Variants in RIC1 observed in about 807,000 individuals in gnomAD.
RIC1 encodes the protein RIC1 partner of RAB6A GEF complex, also known as guanine nucleotide exchange factor subunit RIC1.
A neutral mutation model predicts 169.0 loss-of-function variants in RIC1; 88 were observed. The ratio of observed to expected loss-of-function variants is 0.52; its 90% confidence interval spans 0.44 to 0.62. The LOEUF is 0.62. Among genes scored for constraint, RIC1 ranks in the 20% least tolerant of loss-of-function variants. RIC1 has a pLI of 0.00. For synonymous variants in RIC1, 790 were observed against 601.5 expected, an observed-to-expected ratio of 1.31 and a Z score of -4.59; for missense variants, 1,877 against 1,725.5, an observed-to-expected ratio of 1.09 and a Z score of -1.56.
At chr9:5,773,848 A>T in intron 25 of RIC1, 110 bp from the exon 26 acceptor site, 1 of 1,034,602 alleles carries the variant, frequency 9.7e-7, no homozygotes, top group Non-Finnish European at 1.4e-6. Context: ...CTCCCCTCCT[A>T]ATCTATCGTC....
intron 19 of RIC1, 49 bp from the exon 20 acceptor site, chr9:5,765,365 C>A (rs1004410846): frequency 4.5e-6 from 7 of 1,564,128 alleles, no homozygotes; most frequent in Non-Finnish European, 6.1e-6. Context: ...CTCATATCTT[C>A]CCAAATTGTG....
At position 5,774,579 on chromosome 9, in the gene RIC1, T is replaced by A. The variant is rs1827474665; in HGVS notation, c.*333T>A. The A allele has an allele frequency of 5.2e-6, 1 of 190,722 alleles. No homozygotes were observed. The highest frequency in any genetic ancestry group is 1.1e-5 in the Non-Finnish European group (1 of 92,712). 11.8% of individuals were successfully genotyped at this position (190,722 alleles called of 1,614,324 possible). ...CAGGTGAGCTTACTTTTTCACTACT[T>A]ACATCTTCTCACATTTCCCGGTTCT... is the stretch of plus-strand genomic sequence containing the variant. On this transcript the variant is annotated 3_prime_UTR_variant, in exon 26 of 26. Transcript: ENST00000414202.
intron 2 of RIC1, among the ~76,000 whole-genome samples, chr9:5,677,883 G>T (rs916785637): frequency 4.0e-5 from 6 of 151,272 alleles, no homozygotes; most frequent in Non-Finnish European, 8.8e-5. Context: ...AAGTTTTAGG[G>T]TACATGTGCA....
chr9:5,700,763 C>T lies in RIC1; in HGVS notation c.332+10725C>T, dbSNP rs369915133. On this transcript the variant is annotated intron_variant, in intron 3 of 25. Coordinates refer to ENST00000414202, the MANE Select transcript of RIC1 (RefSeq NM_020829.4). ...CTAAAAACAAAGCTTGTGGGAAAAT[C>T]GTTGGAACAGATCACTTAAAACTTC... 1.1e-4 allele frequency among the ~76,000 whole-genome samples: 16 copies of T among 152,200 alleles called. No homozygotes were observed. In the South Asian group the frequency reaches 2.9e-3, roughly 28 times the overall value.
intron 2 of RIC1, among the ~76,000 whole-genome samples, chr9:5,667,290 C>G (rs1032263554): frequency 6.6e-6 from 1 of 152,112 alleles, no homozygotes; most frequent in Admixed American, 6.5e-5. Flanking sequence ...TCACAGCACT[C>G]CAGCCTGGGC....
At chr9:5,762,152 C>G (rs758517015) in intron 17 of RIC1, among the ~76,000 whole-genome samples, 1 of 152,222 alleles carries the variant, frequency 6.6e-6, no homozygotes, top group African/African-American at 2.4e-5. Flanking sequence ...ATTACCAACC[C>G]TTACTCTCCC....
At chr9:5,777,376 C>G (rs1454335207), downstream of RIC1, among the ~76,000 whole-genome samples, 1 of 149,284 alleles carries the variant, frequency 6.7e-6, no homozygotes, top group Non-Finnish European at 1.5e-5. Flanking sequence ...AAATGGAAGA[C>G]TCTAAAATGT....
At chr9:5,675,652 TAAAG>T (rs1253055176) in intron 2 of RIC1, among the ~76,000 whole-genome samples, 7 of 152,158 alleles carry the variant, frequency 4.6e-5, no homozygotes, top group African/African-American at 1.2e-4. Flanking sequence ...GATATAAAAA[TAAAG>T]CTATCAGACT....
At chr9:5,690,565 C>CTTT (rs5896126) in intron 3 of RIC1, among the ~76,000 whole-genome samples, 2 of 144,240 alleles carry the variant, frequency 1.4e-5, no homozygotes. Flanking sequence ...AGCATTCCAT[C>CTTT]TTTTTTTTTT....
intron 2 of RIC1, among the ~76,000 whole-genome samples, chr9:5,682,918 C>G (rs938485590): frequency 1.3e-5 from 2 of 152,144 alleles, no homozygotes; most frequent in Non-Finnish European, 2.9e-5. Context: ...TTCATTTCAT[C>G]TTCCATCGCT....
At chr9:5,762,087 T>C (rs970766422) in intron 17 of RIC1, among the ~76,000 whole-genome samples, 1 of 152,200 alleles carries the variant, frequency 6.6e-6, no homozygotes, top group African/African-American at 2.4e-5. Context: ...ATGTCCCTAG[T>C]CTAGCCAGAC....
intron 3 of RIC1, among the ~76,000 whole-genome samples, chr9:5,701,344 C>T (rs1224340983): frequency 6.6e-6 from 1 of 152,116 alleles, no homozygotes; most frequent in Non-Finnish European, 1.5e-5. Flanking sequence ...GGTGAGGTGG[C>T]TCACGCCTGC....
At chr9:5,631,746 A>C (rs1586850146) in intron 1 of RIC1, among the ~76,000 whole-genome samples, 1 of 151,874 alleles carries the variant, frequency 6.6e-6, no homozygotes, top group Non-Finnish European at 1.5e-5. Flanking sequence ...GTATGATTAC[A>C]TGCCTAGGTG....
In RIC1 at chr9:5,754,791, A is replaced by G. The variant is rs557299825; in HGVS notation, c.1603-50A>G. 3.4e-5 allele frequency: 37 copies of G among 1,078,108 alleles called. No individual in the cohort carries two copies. In the African/African-American group the frequency reaches 4.5e-4, roughly 13 times the overall value. 66.8% of individuals were successfully genotyped at this position (1,078,108 alleles called of 1,614,324 possible). ...ATTTTTATAAATATATTACTTTGTTATAATTTCTGGTAGCATAAGGTAAAT... is the reference window on the plus strand; with the variant it reads ...ATTTTTATAAATATATTACTTTGTTGTAATTTCTGGTAGCATAAGGTAAAT... On this transcript the variant is annotated intron_variant, in intron 14 of 25. Coordinates refer to ENST00000414202, the MANE Select transcript of RIC1 (RefSeq NM_020829.4).
intron 2 of RIC1, among the ~76,000 whole-genome samples, chr9:5,686,370 A>G (rs1321167486): frequency 6.6e-6 from 1 of 152,160 alleles, no homozygotes; most frequent in Admixed American, 6.5e-5. Flanking sequence ...AAGACTTGAA[A>G]CCAACCCAAA....
intron 19 of RIC1, 22 bp from the exon 20 acceptor site, chr9:5,765,392 C>T: frequency 6.2e-7 from 1 of 1,602,516 alleles, no homozygotes; most frequent in Non-Finnish European, 8.5e-7. Flanking sequence ...AAAAAGAATG[C>T]TGTCCTGGTT....
At chr9:5,715,763 A>T (rs1190385430) in intron 4 of RIC1, among the ~76,000 whole-genome samples, 2 of 152,042 alleles carry the variant, frequency 1.3e-5, no homozygotes, top group South Asian at 4.2e-4. Context: ...GAAGGTAAAA[A>T]CATAATTTTA....
intron 12 of RIC1, among the ~76,000 whole-genome samples, chr9:5,749,154 A>C (rs1280876642): frequency 6.6e-6 from 1 of 152,212 alleles, no homozygotes; most frequent in African/African-American, 2.4e-5. Context: ...TGGCAGACTT[A>C]TCTTTATCAT....
chr9:5,634,883 T>G (rs1423746852), intron 1 of RIC1, among the ~76,000 whole-genome samples: 2 of 152,190 alleles, frequency 1.3e-5, no homozygotes, highest in African/African-American at 4.8e-5. Flanking sequence ...CTTATTTTAA[T>G]TTTTGTGGGT....
Sources: gnomAD v4.1 joint callset for allele counts (sites outside exome capture counted in the v4.1 genomes callset) on GRCh38, gnomAD v4.1.1 for gene constraint, MANE v1.5 for transcripts, NCBI Gene and HGNC (gene_info 2026-07-23, HGNC 2026-07-21) for gene names.